CFAP20DC: variants seen among roughly 807,000 people sequenced by gnomAD.
CFAP20DC encodes the protein protein CFAP20DC.
Under a neutral mutation model 101.7 loss-of-function variants are expected in CFAP20DC, and 84 were observed. The observed-to-expected ratio is 0.83, with a 90% CI of 0.69 to 0.99. The LOEUF is 0.99. Ranked by LOEUF, CFAP20DC falls within the 50% of genes least tolerant of loss-of-function variation. The pLI is 0.00. For synonymous variants in CFAP20DC, 359 were observed against 351.2 expected (o/e 1.02, Z -0.25); for missense variants, 1,007 against 970.3 (o/e 1.04, Z -0.50).
intron 4 of CFAP20DC, among the ~76,000 whole-genome samples, chr3:59,034,751 T>A (rs1040522422): frequency 2.0e-5 from 3 of 152,094 alleles, no homozygotes; most frequent in Non-Finnish European, 4.4e-5. Context: ...AGTGGGAGAC[T>A]TTAACACCCC....
rs1307579180 is a variant in CFAP20DC at position 58,834,304 on chromosome 3, TCA to T, written c.1972-2417_1972-2416del. On this transcript the variant is annotated intron_variant, in intron 13 of 16. Coordinates refer to ENST00000482387, the MANE Select transcript of CFAP20DC (RefSeq NM_001394063.1). ...CAGTGAGCAAGTGACTTGCTGTTCT[TCA>T]GTTTTTCGGTCAAGAAGTGGGATTA... Among the ~76,000 whole-genome samples, 4 of 152,322 alleles carry T rather than the reference TCA, an allele frequency of 2.6e-5. No individual in the cohort carries two copies. The East Asian group carries it at 7.7e-4, about 29-fold the overall frequency.
At chr3:58,902,509 T>C (rs2083234071) in intron 6 of CFAP20DC, among the ~76,000 whole-genome samples, 1 of 152,238 alleles carries the variant, frequency 6.6e-6, no homozygotes, top group Non-Finnish European at 1.5e-5. Context: ...TTAACTTGCA[T>C]TTCCCTAATG....
chr3:58,749,029 T>C (rs997658795), intron 16 of CFAP20DC, among the ~76,000 whole-genome samples: 4 of 152,254 alleles, frequency 2.6e-5, no homozygotes, highest in Non-Finnish European at 4.4e-5. Context: ...TTATTAATGC[T>C]GGCTTATTAT....
At chr3:58,906,439 T>C (rs1315125038) in intron 6 of CFAP20DC, among the ~76,000 whole-genome samples, 1 of 152,110 alleles carries the variant, frequency 6.6e-6, no homozygotes, top group East Asian at 1.9e-4. Flanking sequence ...TCAACCCAAA[T>C]ATGCAGCCTA....
intron 13 of CFAP20DC, 139 bp from the exon 14 acceptor site, chr3:58,832,028 C>T: frequency 1.5e-6 from 1 of 676,892 alleles, no homozygotes; most frequent in Non-Finnish European, 2.6e-6. Context: ...CATGCGCTAC[C>T]TGCCCCATCC....
chr3:58,987,075 A>G (rs949357472), intron 4 of CFAP20DC, among the ~76,000 whole-genome samples: 1 of 152,184 alleles, frequency 6.6e-6, no homozygotes, highest in East Asian at 1.9e-4. Flanking sequence ...TGCAAACAAC[A>G]TATTAAACAG....
chr3:58,896,104 T>C (rs1316812275), intron 6 of CFAP20DC, among the ~76,000 whole-genome samples: 1 of 152,192 alleles, frequency 6.6e-6, no homozygotes, highest in Non-Finnish European at 1.5e-5. Context: ...ACTCAATTTC[T>C]TCCTGGTTCA....
rs528816776 is a variant in CFAP20DC, at chr3:58,801,956, G to A, written c.2237+4439C>T. Reference sequence around the variant, plus strand: ...CTGTTTGGGTATTCTGAATTATTTTGTATATTATATATTTCCATGAACATT... The same window carrying A: ...CTGTTTGGGTATTCTGAATTATTTTATATATTATATATTTCCATGAACATT... On this transcript the variant is annotated intron_variant, in intron 15 of 16. Transcript: ENST00000482387. 5.9e-5 allele frequency among the ~76,000 whole-genome samples: 9 copies of A among 152,226 alleles called. No homozygotes were observed. In the South Asian group the frequency reaches 1.9e-3, roughly 32 times the overall value.
intron 10 of CFAP20DC, among the ~76,000 whole-genome samples, chr3:58,867,455 A>C (rs1233028102): frequency 6.6e-6 from 1 of 152,254 alleles, no homozygotes; most frequent in Non-Finnish European, 1.5e-5. Context: ...CAATTTAAAA[A>C]GACACAAATG....
rs2079251247 is a variant in CFAP20DC, at chr3:58,861,573, T to C, written c.1593+1985A>G. The C allele has an allele frequency of 8.1e-6, 8 of 984,960 alleles. No individual in the cohort carries two copies. In the South Asian group the frequency reaches 2.3e-4, roughly 29 times the overall value. The allele number at this position is 984,960 out of a possible 1,614,324, so 61.0% of individuals were successfully genotyped here. A position where few individuals can be genotyped will look rare whatever the true frequency, so the allele number is the denominator to read the frequency against. ...ATCCAATTTTGTTAAGAAGGTATCA[T>C]TACACATGCTAAAACTTGTTTAAAT... On this transcript the variant is annotated intron_variant, in intron 12 of 16. Transcript: ENST00000482387. This position sits in a 1 kb window ranked among gnomAD's most constrained non-coding sequence, Gnocchi z 4.0.
At chr3:58,736,385 GT>G (rs997910410) in intron 3 of CFAP20DC, among the ~76,000 whole-genome samples, 1 of 152,052 alleles carries the variant, frequency 6.6e-6, no homozygotes, top group Non-Finnish European at 1.5e-5. Context: ...ATAATCTTTG[GT>G]TTATGAAGCC....
At chr3:58,916,506 G>A (rs2084732612) in intron 5 of CFAP20DC, among the ~76,000 whole-genome samples, 1 of 151,884 alleles carries the variant, frequency 6.6e-6, no homozygotes, top group East Asian at 1.9e-4. Flanking sequence ...GTATGCATAT[G>A]TGTGTGTGTG....
chr3:58,846,448 A>C (rs1398379848), intron 13 of CFAP20DC, among the ~76,000 whole-genome samples: 1 of 152,096 alleles, frequency 6.6e-6, no homozygotes, highest in Non-Finnish European at 1.5e-5. Context: ...CTAGGAATCC[A>C]ACCTACAAGG....
chr3:58,847,912 C>G (rs1284330165), intron 13 of CFAP20DC, among the ~76,000 whole-genome samples: 3 of 118,958 alleles, frequency 2.5e-5, no homozygotes, highest in African/African-American at 3.3e-5. Flanking sequence ...TAAACTATCG[C>G]AAGAACAAAA....
At chr3:58,825,356 T>A (rs940738633) in intron 14 of CFAP20DC, among the ~76,000 whole-genome samples, 2 of 152,194 alleles carry the variant, frequency 1.3e-5, no homozygotes, top group Admixed American at 1.3e-4. Context: ...ATGTACTCAT[T>A]CGATTTGCAT....
chr3:58,975,449 T>G (rs2092221252), intron 4 of CFAP20DC, among the ~76,000 whole-genome samples: 1 of 152,184 alleles, frequency 6.6e-6, no homozygotes, highest in African/African-American at 2.4e-5. Flanking sequence ...TAAGACTATG[T>G]GTAGAGACAA....
chr3:59,045,019 C>T (rs574984400), intron 3 of CFAP20DC, among the ~76,000 whole-genome samples: 1 of 151,368 alleles, frequency 6.6e-6, no homozygotes, highest in Admixed American at 6.6e-5. Context: ...CACACACACA[C>T]GCAGAAACTA....
chr3:58,864,804 C>T lies in CFAP20DC; in HGVS notation c.1259-912G>A, dbSNP rs188321633. 2.2e-3 allele frequency among the ~76,000 whole-genome samples: 335 copies of T among 152,288 alleles called. 2 individuals carry two copies. Among genetic ancestry groups the T allele is most frequent in the Admixed American group, 6.1e-3 (94 of 15,294 alleles). Reference sequence around the variant, plus strand: ...TATTTGCTAATCCAAGCAGTGGATTCTGCTGGGTGAAAAAGGTCTTTAAGT... The same window carrying T: ...TATTTGCTAATCCAAGCAGTGGATTTTGCTGGGTGAAAAAGGTCTTTAAGT... On this transcript the variant is annotated intron_variant, in intron 11 of 16. Transcript: ENST00000482387. This position sits in a 1 kb window ranked among gnomAD's most constrained non-coding sequence, Gnocchi z 4.7.
At chr3:58,783,096 A>G (rs2071990140) in intron 15 of CFAP20DC, among the ~76,000 whole-genome samples, 1 of 152,174 alleles carries the variant, frequency 6.6e-6, no homozygotes, top group Admixed American at 6.6e-5. Flanking sequence ...GACCAATGGA[A>G]CAGAATAGGG....
Sources: gnomAD v4.1 joint callset for allele counts (sites outside exome capture counted in the v4.1 genomes callset) on GRCh38, gnomAD v4.1.1 for gene constraint, Gnocchi (gnomAD v3.1) non-coding constraint, MANE v1.5 for transcripts, NCBI Gene and HGNC (gene_info 2026-07-23, HGNC 2026-07-21) for gene names.